The following TENT2 variants were observed in gnomAD, a reference collection of about 807,000 sequenced individuals.
The protein encoded by TENT2 is terminal nucleotidyltransferase 2.
A neutral mutation model predicts 72.2 loss-of-function variants in TENT2; 44 were observed. That is an observed-to-expected ratio of 0.61 (90% CI 0.48 to 0.78). The LOEUF (loss-of-function observed/expected upper bound fraction) is 0.78, where lower values mean the gene tolerates loss of function less well. Among genes scored for constraint, TENT2 ranks in the 30% least tolerant of loss-of-function variants. The pLI is 0.00. For synonymous variants in TENT2, 212 were observed against 192.5 expected, an observed-to-expected ratio of 1.10 and a Z score of -0.84; for missense variants, 541 against 569.6, an observed-to-expected ratio of 0.95 and a Z score of 0.51.
chr5:79,655,267 G>C (rs1157218350), intron 10 of TENT2, among the ~76,000 whole-genome samples: 1 of 152,066 alleles, frequency 6.6e-6, no homozygotes, highest in Admixed American at 6.5e-5. Flanking sequence ...GTAACATAAA[G>C]AATTTACTTA....
At position 79,640,985 on chromosome 5, in the gene TENT2, A is replaced by G. The variant is rs1159611693; in HGVS notation, c.580+20A>G. ...TTCCACGTATGTTTCCCTATTTTGC[A>G]TGTCCTTTAGGTATATGCATTCCTA... is the stretch of plus-strand genomic sequence containing the variant. On this transcript the variant is annotated intron_variant, in intron 5 of 14. Transcript: ENST00000453514. 4 of 1,580,618 alleles carry G rather than the reference A, an allele frequency of 2.5e-6. No homozygotes were observed. The highest frequency in any genetic ancestry group is 2.3e-5 in the South Asian group (2 of 86,260).
chr5:79,625,943 T>A (rs1007668051), intron 4 of TENT2, among the ~76,000 whole-genome samples: 3 of 151,714 alleles, frequency 2.0e-5, no homozygotes, highest in Non-Finnish European at 4.4e-5. Flanking sequence ...ATTCTCCTGC[T>A]TCCGCCTCCT....
intron 4 of TENT2, among the ~76,000 whole-genome samples, chr5:79,624,478 TG>T (rs749968576): frequency 6.6e-5 from 10 of 152,214 alleles, no homozygotes; most frequent in Non-Finnish European, 1.0e-4. Context: ...TAGAGTTCAG[TG>T]GTTTTTAAAT....
intron 14 of TENT2, among the ~76,000 whole-genome samples, chr5:79,683,295 A>T (rs577774885): frequency 6.3e-4 from 94 of 149,754 alleles, no homozygotes; most frequent in Non-Finnish European, 1.1e-3. Flanking sequence ...GTTCACACAC[A>T]CACATGCACG....
At chr5:79,637,826 C>T (rs1245545173) in intron 4 of TENT2, among the ~76,000 whole-genome samples, 4 of 133,652 alleles carry the variant, frequency 3.0e-5, no homozygotes, top group Admixed American at 8.3e-5. Context: ...GTGACGGAGT[C>T]GCATTTTGTC....
intron 6 of TENT2, among the ~76,000 whole-genome samples, chr5:79,642,553 G>C (rs969971823): frequency 6.6e-6 from 1 of 152,034 alleles, no homozygotes. Context: ...TATGCTGAAG[G>C]GGAAAATGAC....
chr5:79,619,882 T>G, intron 2 of TENT2, 97 bp downstream of exon 2: 1 of 1,497,266 alleles, frequency 6.7e-7, no homozygotes, highest in Middle Eastern at 1.8e-4. Flanking sequence ...ATGGAGAATA[T>G]GTCGTCACAT....
At chr5:79,664,015 A>T (rs945810958) in intron 11 of TENT2, among the ~76,000 whole-genome samples, 4 of 152,072 alleles carry the variant, frequency 2.6e-5, no homozygotes, top group Non-Finnish European at 5.9e-5. Context: ...AAGTAATACA[A>T]ATAAAAAATA....
intron 1 of TENT2, among the ~76,000 whole-genome samples, chr5:79,618,607 GT>G (rs1432522027): frequency 1.3e-5 from 2 of 151,054 alleles, no homozygotes; most frequent in Non-Finnish European, 3.0e-5. Context: ...TTTTTTTTGA[GT>G]GTTCATTTGT....
At chr5:79,684,179 T>C (rs982982696) in intron 14 of TENT2, among the ~76,000 whole-genome samples, 25 of 152,330 alleles carry the variant, frequency 1.6e-4, no homozygotes, top group South Asian at 4.1e-4. Flanking sequence ...GATTTTTAGC[T>C]TGTGAACAAG....
intron 3 of TENT2, among the ~76,000 whole-genome samples, chr5:79,621,777 A>C (rs57828213): frequency 1.3e-4 from 13 of 99,810 alleles, no homozygotes; most frequent in Admixed American, 4.4e-4. Context: ...AAAAAACAAA[A>C]AAAACAAAAC....
chr5:79,686,909 T>A lies in TENT2; in HGVS notation c.*1636T>A, dbSNP rs1437840154. On this transcript the variant is annotated 3_prime_UTR_variant, in exon 15 of 15. Transcript: ENST00000453514. ...TACACTGTGCATCTCTTAATCAGAA[T>A]GTACTGAGTAGAGTTAATATTCTAG... Among the ~76,000 whole-genome samples the A allele has an allele frequency of 6.6e-6, 1 of 152,196 alleles. No homozygotes were observed. Among genetic ancestry groups the A allele is most frequent in the African/African-American group, 2.4e-5 (1 of 41,462 alleles).
intron 10 of TENT2, among the ~76,000 whole-genome samples, chr5:79,651,208 A>G (rs918436348): frequency 6.6e-6 from 1 of 152,010 alleles, no homozygotes; most frequent in African/African-American, 2.4e-5. Context: ...TTAGCCAAAT[A>G]TAAATACATA....
chr5:79,643,432 C>G (rs1352396385), intron 7 of TENT2, among the ~76,000 whole-genome samples: 1 of 152,164 alleles, frequency 6.6e-6, no homozygotes, highest in African/African-American at 2.4e-5. Flanking sequence ...AATACACTGA[C>G]TCTAAACATA....
rs562840354 is a variant in TENT2 at position 79,613,438 on chromosome 5, T to G, written c.-38+363T>G. 2.6e-5 allele frequency among the ~76,000 whole-genome samples: 4 copies of G among 152,366 alleles called. No homozygotes were observed. The South Asian group carries it at 8.3e-4, about 32-fold the overall frequency. ...TGTATGATTTTGTGAAGAAAGAGATTGTAACTGATTACTAAATCTGTGTTT... is the reference window on the plus strand; with the variant it reads ...TGTATGATTTTGTGAAGAAAGAGATGGTAACTGATTACTAAATCTGTGTTT... On this transcript the variant is annotated intron_variant, in intron 1 of 14. Transcript: ENST00000453514.
chr5:79,627,541 A>G (rs1173284898), intron 4 of TENT2, among the ~76,000 whole-genome samples: 2 of 152,116 alleles, frequency 1.3e-5, no homozygotes, highest in Non-Finnish European at 2.9e-5. Flanking sequence ...GCTCAAGTGT[A>G]ATGGCACAAT....
chr5:79,631,694 A>G (rs1235484777), intron 4 of TENT2, among the ~76,000 whole-genome samples: 1 of 152,166 alleles, frequency 6.6e-6, no homozygotes, highest in Non-Finnish European at 1.5e-5. Flanking sequence ...TTTTTTGGTA[A>G]GGTGGGAGAA....
intron 4 of TENT2, chr5:79,623,785 A>AG (rs968050483): frequency 9.2e-6 from 2 of 217,236 alleles, no homozygotes; most frequent in African/African-American, 4.6e-5. Flanking sequence ...TACTGAAAAA[A>AG]AAAAAAGTTG....
intron 4 of TENT2, among the ~76,000 whole-genome samples, chr5:79,634,520 G>GT (rs1157504699): frequency 1.3e-5 from 2 of 151,924 alleles, no homozygotes; most frequent in Non-Finnish European, 2.9e-5. Flanking sequence ...TGTATTTTTA[G>GT]TAGAGATGGG....
Sources: allele counts gnomAD v4.1 joint callset (sites outside exome capture counted in the v4.1 genomes callset), GRCh38; gene constraint gnomAD v4.1.1; transcripts MANE v1.5; gene names NCBI Gene and HGNC (gene_info 2026-07-23, HGNC 2026-07-21).